BLTP2: variants seen among roughly 807,000 people sequenced by gnomAD.
The protein encoded by BLTP2 is bridge-like lipid transfer protein family member 2.
At chr17:28,620,639 T>C in the BLTP2 span, 4 of 1,611,728 alleles carry the variant, frequency 2.5e-6, no homozygotes, top group African/African-American at 2.7e-5. Flanking sequence ...CCCTAGATAA[T>C]TGTTAGCAGC....
chr17:28,642,194 A>T, the BLTP2 span: 1 of 1,576,934 alleles, frequency 6.3e-7, no homozygotes, highest in Non-Finnish European at 8.7e-7. Context: ...AGGTCAAAGA[A>T]CCTAGGATGT....
At chr17:28,633,171 C>T in the BLTP2 span, 1 of 1,583,928 alleles carries the variant, frequency 6.3e-7, no homozygotes, top group South Asian at 1.2e-5. Context: ...ACCTGCCTCA[C>T]AATGGAACCC....
At chr17:28,645,109 G>A in the BLTP2 span, 5 of 1,518,506 alleles carry the variant, frequency 3.3e-6, no homozygotes, top group Non-Finnish European at 3.6e-6. Context: ...GCCGGGCCCC[G>A]ACGCCGGATC....
At chr17:28,627,765 G>A in the BLTP2 span, among the ~76,000 whole-genome samples, 1 of 151,574 alleles carries the variant, frequency 6.6e-6, no homozygotes, top group African/African-American at 2.4e-5. Context: ...AGCGAATCTC[G>A]TGCCTTAGCC....
chr17:28,643,561 A>C, the BLTP2 span: 7 of 1,567,690 alleles, frequency 4.5e-6, no homozygotes, highest in South Asian at 6.7e-5. Context: ...TGCAAACACC[A>C]ACTCCAAAGT....
At chr17:28,634,999 G>T in the BLTP2 span, 1 of 1,613,326 alleles carries the variant, frequency 6.2e-7, no homozygotes, top group Non-Finnish European at 8.5e-7. Flanking sequence ...GAGTGGGACA[G>T]GGCTTGGAGA....
the BLTP2 span, among the ~76,000 whole-genome samples, chr17:28,640,882 G>A: frequency 6.6e-6 from 1 of 152,202 alleles, no homozygotes; most frequent in Admixed American, 6.5e-5. Flanking sequence ...AAAACCTAAA[G>A]AGTACAAGGA....
chr17:28,635,630 G>A, the BLTP2 span: 2 of 1,590,584 alleles, frequency 1.3e-6, no homozygotes, highest in African/African-American at 1.3e-5. Context: ...CAGAAGAAAA[G>A]GATCTGTCAA....
At chr17:28,615,983 T>A in the BLTP2 span, 1 of 1,040,180 alleles carries the variant, frequency 9.6e-7, no homozygotes. Flanking sequence ...ACAGCAGATT[T>A]ATCACCCACA....
chr17:28,628,164 C>G, the BLTP2 span: 1 of 1,004,576 alleles, frequency 1.0e-6, no homozygotes. Flanking sequence ...ACTTCTTTAC[C>G]TAGATAGAAG....
the BLTP2 span, chr17:28,624,006 G>C: frequency 6.3e-7 from 1 of 1,580,970 alleles, no homozygotes; most frequent in Non-Finnish European, 8.7e-7. Flanking sequence ...TACCAAGGAC[G>C]ATGAGGTTAG....
At chr17:28,639,837 C>G in the BLTP2 span, 1 of 1,587,342 alleles carries the variant, frequency 6.3e-7, no homozygotes, top group Non-Finnish European at 8.7e-7. Flanking sequence ...CCATATGGGG[C>G]ATGAGCAAAG....
the BLTP2 span, among the ~76,000 whole-genome samples, chr17:28,621,668 T>C: frequency 1.4e-4 from 22 of 152,186 alleles, no homozygotes; most frequent in African/African-American, 5.3e-4. Flanking sequence ...CTTGTCTCAT[T>C]CTCTTGCCCC....
chr17:28,630,953 AG>A, the BLTP2 span, among the ~76,000 whole-genome samples: 17 of 152,242 alleles, frequency 1.1e-4, no homozygotes, highest in Admixed American at 1.1e-3. Flanking sequence ...TTCAAAAAGA[AG>A]GATGCTGATA....
the BLTP2 span, among the ~76,000 whole-genome samples, chr17:28,626,730 A>AT: frequency 3.3e-5 from 5 of 152,378 alleles, no homozygotes; most frequent in East Asian, 5.8e-4. Context: ...TTCCTGGGGC[A>AT]TAGCATGCCT....
chr17:28,635,236 T>C, the BLTP2 span: 1 of 1,614,056 alleles, frequency 6.2e-7, no homozygotes, highest in Non-Finnish European at 8.5e-7. Flanking sequence ...CTCCTTGAAG[T>C]TGAAGATACT....
At chr17:28,628,692 T>C in the BLTP2 span, 23 of 742,242 alleles carry the variant, frequency 3.1e-5, no homozygotes, top group Non-Finnish European at 5.0e-5. Context: ...CCCAGCACTT[T>C]GGGAGGCCGA....
chr17:28,623,643 T>C, the BLTP2 span: 2 of 835,146 alleles, frequency 2.4e-6, no homozygotes, highest in Admixed American at 4.5e-5. Flanking sequence ...AAGGTGTTAT[T>C]AGCCTCATTA....
At chr17:28,636,972 G>A in the BLTP2 span, 2 of 1,613,898 alleles carry the variant, frequency 1.2e-6, no homozygotes, top group Middle Eastern at 1.7e-4. Context: ...TACCTCCAGA[G>A]AGCGGATGCT....
Sources: allele counts gnomAD v4.1 joint callset (sites outside exome capture counted in the v4.1 genomes callset), GRCh38; gene constraint gnomAD v4.1.1; transcripts MANE v1.5; gene names NCBI Gene and HGNC (gene_info 2026-07-23, HGNC 2026-07-21).